MAP2K4: variants seen among roughly 807,000 people sequenced by gnomAD.
The protein encoded by MAP2K4 is dual specificity mitogen-activated protein kinase kinase 4.
In MAP2K4, 4 loss-of-function variants were observed where a neutral mutation model predicts 48.5. The observed-to-expected ratio is 0.08, with a 90% CI of 0.04 to 0.19. The LOEUF (loss-of-function observed/expected upper bound fraction) is 0.19, where lower values mean the gene tolerates loss of function less well. Among genes scored for constraint, MAP2K4 ranks in the 10% least tolerant of loss-of-function variants. The pLI, the probability that MAP2K4 is intolerant of heterozygous loss-of-function variation, is 1.00. For synonymous variants in MAP2K4, 166 were observed against 173.1 expected (o/e 0.96, Z 0.32); for missense variants, 258 against 493.3 (o/e 0.52, Z 4.52).
chr17:12,107,000 T>C (rs1972137003), intron 4 of MAP2K4, among the ~76,000 whole-genome samples: 1 of 152,176 alleles, frequency 6.6e-6, no homozygotes, highest in Non-Finnish European at 1.5e-5. Flanking sequence ...AGGATGATTC[T>C]ATAAAATGGT....
intron 9 of MAP2K4, among the ~76,000 whole-genome samples, chr17:12,135,516 G>A (rs933168885): frequency 6.6e-6 from 1 of 152,116 alleles, no homozygotes; most frequent in African/African-American, 2.4e-5. Flanking sequence ...ACAGTGGCGT[G>A]AGCCACTGTA....
chr17:12,074,871 C>T (rs1358201683), intron 2 of MAP2K4, among the ~76,000 whole-genome samples: 3 of 152,214 alleles, frequency 2.0e-5, no homozygotes, highest in Non-Finnish European at 4.4e-5. Flanking sequence ...TACATATTTC[C>T]GGTCTTTCAG....
intron 2 of MAP2K4, among the ~76,000 whole-genome samples, chr17:12,068,300 C>G (rs12953206): frequency 0.17 from 25,676 of 152,060 alleles, 2,548 homozygotes; most frequent in South Asian, 0.3. Context: ...GTAAGTAGGT[C>G]AGTGATTTAC....
intron 1 of MAP2K4, among the ~76,000 whole-genome samples, chr17:12,037,723 G>A (rs933038191): frequency 1.3e-5 from 2 of 151,846 alleles, no homozygotes; most frequent in Admixed American, 1.3e-4. Flanking sequence ...CCATTTGTGG[G>A]GACCATGATA....
At chr17:12,066,624 G>A (rs1203835384) in intron 2 of MAP2K4, among the ~76,000 whole-genome samples, 1 of 152,114 alleles carries the variant, frequency 6.6e-6, no homozygotes. Context: ...CCACCTCCCA[G>A]GTTCAAGTGA....
At position 12,039,760 on chromosome 17, in the gene MAP2K4, G is replaced by A. The variant is rs1043572718; in HGVS notation, c.116-15129G>A. ...CCTCAGCAAGGTATGTGCACACATTGTGTTTGGTTGATATGTCTCTTAAGT... is the reference window on the plus strand; with the variant it reads ...CCTCAGCAAGGTATGTGCACACATTATGTTTGGTTGATATGTCTCTTAAGT... On this transcript the variant is annotated intron_variant, in intron 1 of 10. Transcript: ENST00000353533. 1.4e-4 allele frequency among the ~76,000 whole-genome samples: 21 copies of A among 152,186 alleles called. 1 individual carries two copies. The highest frequency in any genetic ancestry group is 4.8e-4 in the African/African-American group (20 of 41,448).
In MAP2K4 at chr17:12,088,542, TTATATCTA is replaced by T. The variant is rs1309778424; in HGVS notation, c.393+7013_393+7020del. On this transcript the variant is annotated intron_variant, in intron 3 of 10. Transcript: ENST00000353533. ...TATGTAATATATAATATATATTAAATTATATCTAATATATAATATATATTAAATATATA... is the reference window on the plus strand; with the variant it reads ...TATGTAATATATAATATATATTAAATATATATAATATATATTAAATATATA... Among the ~76,000 whole-genome samples the T allele has an allele frequency of 1.9e-4, 5 of 25,752 alleles. No individual in the cohort carries two copies. The Admixed American group carries it at 2.5e-3, about 13-fold the overall frequency. The allele number at this position is 25,752 out of a possible 152,430, so 16.9% of individuals were successfully genotyped here.
chr17:12,028,699 T>C (rs1223906143), intron 1 of MAP2K4, among the ~76,000 whole-genome samples: 1 of 152,186 alleles, frequency 6.6e-6, no homozygotes, highest in Non-Finnish European at 1.5e-5. Context: ...TGGGTTCATA[T>C]TGTAGTTCAT....
intron 3 of MAP2K4, among the ~76,000 whole-genome samples, chr17:12,094,739 T>C (rs1334220812): frequency 6.6e-6 from 1 of 152,096 alleles, no homozygotes; most frequent in Non-Finnish European, 1.5e-5. Context: ...GGAGGTGGGG[T>C]ACTTAATGTT....
rs767334574 is a variant in MAP2K4 at position 12,081,573 on chromosome 17, G to A, written c.393+43G>A. The A allele has an allele frequency of 6.3e-7, 1 of 1,589,042 alleles. No homozygotes were observed. The highest frequency in any genetic ancestry group is 1.1e-5 in the South Asian group (1 of 88,686). ...TATTTTTGGTACTTTAATCCATTAG[G>A]TGAAATTTCATGGTGCAGTAATACC... On this transcript the variant is annotated intron_variant, in intron 3 of 10. Transcript: ENST00000353533. The surrounding 1 kb of genome is among the most constrained non-coding windows in gnomAD (Gnocchi z 4.2).
At chr17:12,125,087 A>C (rs1841389635) in intron 7 of MAP2K4, 1 of 544,606 alleles carries the variant, frequency 1.8e-6, no homozygotes, top group African/African-American at 1.9e-5. Flanking sequence ...TGAATTGCTT[A>C]GTGTTCTCTT....
intron 7 of MAP2K4, among the ~76,000 whole-genome samples, chr17:12,117,675 T>TA (rs1419010739): frequency 6.6e-6 from 1 of 152,140 alleles, no homozygotes; most frequent in Non-Finnish European, 1.5e-5. Flanking sequence ...GGCCTGCAGA[T>TA]ACCCCTAGAG....
At chr17:12,030,722 C>T (rs1311078355) in intron 1 of MAP2K4, among the ~76,000 whole-genome samples, 1 of 152,134 alleles carries the variant, frequency 6.6e-6, no homozygotes, top group Non-Finnish European at 1.5e-5. Flanking sequence ...TGTTTTCTTG[C>T]TCCTTTCGCC....
chr17:12,091,345 T>C (rs1367788517), intron 3 of MAP2K4, among the ~76,000 whole-genome samples: 1 of 152,230 alleles, frequency 6.6e-6, no homozygotes, highest in African/African-American at 2.4e-5. Context: ...TGATTGGGAC[T>C]GTTCACCAAG....
rs1467679427 is a variant in MAP2K4 at position 12,100,639 on chromosome 17, CT to C, written c.513+4951del. 2.0e-5 allele frequency among the ~76,000 whole-genome samples: 3 copies of C among 152,056 alleles called. No individual in the cohort carries two copies. The East Asian group carries it at 5.8e-4, about 29-fold the overall frequency. On this transcript the variant is annotated intron_variant, in intron 4 of 10. Transcript: ENST00000353533. ...TTTAACTTTTTAAAAAATGGACAAA[CT>C]TTTTTCTAAGGTAGTTGTACCATTT... is the stretch of plus-strand genomic sequence containing the variant.
Position 12,060,728 on chromosome 17 carries a change from G to GGGTGTGTGTGT in MAP2K4, c.218+5738_218+5739insGTGTGTGTGTG, listed in dbSNP as rs71367376. The stretch of plus-strand genomic sequence containing the variant: ...ATCTCAAATGTGTTAAATACTATGG[G>GGGTGTGTGTGT]GTGTGTGTGTGTGTGTGTGCGCGCG... On this transcript the variant is annotated intron_variant, in intron 2 of 10. Coordinates refer to ENST00000353533, the MANE Select transcript of MAP2K4 (RefSeq NM_003010.4). Among the ~76,000 whole-genome samples the GGGTGTGTGTGT allele has an allele frequency of 3.3e-5, 5 of 150,252 alleles. No homozygotes were observed. In the East Asian group the frequency reaches 7.8e-4, roughly 23 times the overall value.
At chr17:12,110,537 T>C in intron 6 of MAP2K4, 111 bp downstream of exon 6, 1 of 764,456 alleles carries the variant, frequency 1.3e-6, no homozygotes, top group Non-Finnish European at 2.2e-6. Flanking sequence ...AAAATATTTG[T>C]ATTTTTAGCA....
chr17:12,107,448 A>G (rs182100920), intron 4 of MAP2K4, among the ~76,000 whole-genome samples: 7 of 97,906 alleles, frequency 7.1e-5, no homozygotes, highest in South Asian at 2.9e-4. Context: ...ACTGTCATCT[A>G]TTTTCATTGT....
At chr17:12,048,881 T>C (rs1238580728) in intron 1 of MAP2K4, among the ~76,000 whole-genome samples, 1 of 152,138 alleles carries the variant, frequency 6.6e-6, no homozygotes, top group African/African-American at 2.4e-5. Context: ...GGTCTTGAAC[T>C]CCTGACCTCA....
Sources: gnomAD v4.1 joint callset for allele counts (sites outside exome capture counted in the v4.1 genomes callset) on GRCh38, gnomAD v4.1.1 for gene constraint, Gnocchi (gnomAD v3.1) non-coding constraint, MANE v1.5 for transcripts, NCBI Gene and HGNC (gene_info 2026-07-23, HGNC 2026-07-21) for gene names.